NUMBL: variants seen among roughly 807,000 people sequenced by gnomAD.
NUMBL encodes NUMB like endocytic adaptor protein.
NUMBL carries 20 observed loss-of-function variants against 48.9 expected under a neutral mutation model. That is an observed-to-expected ratio of 0.41 (90% CI 0.29 to 0.59). The LOEUF is 0.59. Among genes scored for constraint, NUMBL ranks in the 20% least tolerant of loss-of-function variants. The pLI, the probability that NUMBL is intolerant of heterozygous loss-of-function variation, is 0.31. For missense variants in NUMBL, 660 were observed against 846.2 expected (o/e 0.78, Z 2.73); for synonymous variants, 340 against 348.7 (o/e 0.98, Z 0.28).
chr19:40,673,302 C>A lies in NUMBL; in HGVS notation c.1036+42G>T. The A allele has an allele frequency of 6.4e-7, 1 of 1,554,108 alleles. No individual in the cohort carries two copies. Among genetic ancestry groups the A allele is most frequent in the East Asian group, 2.3e-5 (1 of 43,838 alleles). On this transcript the variant is annotated intron_variant, in intron 8 of 9. Transcript: ENST00000252891. This position sits in a 1 kb window ranked among gnomAD's most constrained non-coding sequence, Gnocchi z 5.9. ...ATCCCTTGCCCACATCAGATAGTGC[C>A]AATTGATTCCAACGCCGTTTCCCAC...
intron 7 of NUMBL, among the ~76,000 whole-genome samples, chr19:40,674,107 G>A (rs1336857726): frequency 1.3e-5 from 2 of 152,140 alleles, no homozygotes; most frequent in Non-Finnish European, 2.9e-5. Context: ...ACCCAGCAAA[G>A]GCCCAGTGTG....
chr19:40,671,373 T>TG (rs1218181843), intron 8 of NUMBL, among the ~76,000 whole-genome samples: 3 of 105,972 alleles, frequency 2.8e-5, no homozygotes, highest in Non-Finnish European at 5.6e-5. Context: ...GTGACATGTG[T>TG]GTGGGGGGGT....
chr19:40,667,636 G>T lies in NUMBL; in HGVS notation c.1662C>A (p.Arg554=). 6.4e-7 allele frequency: 1 copy of T among 1,556,830 alleles called. No homozygotes were observed. Among genetic ancestry groups the T allele is most frequent in the East Asian group, 2.4e-5 (1 of 41,700 alleles). ...GCCAGGGGGCCCCATTGGGGCGAGG[G>T]CGGGCCTGGCTCCCAGGGGCACTGG... The part of the protein sequence containing the change: ...AIPSAPGSQA[R]PRPNGAPWPP... The change falls in exon 10 of 10, where the codon CGC becomes CGA. Residue 554 remains arginine (R), a synonymous_variant. Transcript: ENST00000252891. The surrounding 1 kb of genome is among the most constrained non-coding windows in gnomAD (Gnocchi z 6.1).
In NUMBL at chr19:40,667,398, G is replaced by A. The variant is rs1471284453; in HGVS notation, c.*70C>T. 5 of 1,560,990 alleles carry A rather than the reference G, an allele frequency of 3.2e-6. No individual in the cohort carries two copies. Among genetic ancestry groups the A allele is most frequent in the Non-Finnish European group, 3.5e-6 (4 of 1,154,956 alleles). ...GCGCAGCCCCAGGGAGCAGGGTTAGGGGAGAGGTTGTGCCTCCACCCCCAG... is the reference window on the plus strand; with the variant it reads ...GCGCAGCCCCAGGGAGCAGGGTTAGAGGAGAGGTTGTGCCTCCACCCCCAG... On this transcript the variant is annotated 3_prime_UTR_variant, in exon 10 of 10. Coordinates refer to ENST00000252891, the MANE Select transcript of NUMBL (RefSeq NM_004756.5). This position sits in a 1 kb window ranked among gnomAD's most constrained non-coding sequence, Gnocchi z 6.1.
intron 7 of NUMBL, among the ~76,000 whole-genome samples, chr19:40,676,617 G>A (rs1301880698): frequency 2.7e-5 from 4 of 150,616 alleles, no homozygotes; most frequent in African/African-American, 4.9e-5. Flanking sequence ...GCTTGAACCC[G>A]GGAGGTGGAG....
chr19:40,667,322 A>G lies in NUMBL; in HGVS notation c.*146T>C, dbSNP rs1024564724. On this transcript the variant is annotated 3_prime_UTR_variant, in exon 10 of 10. Transcript: ENST00000252891. This position sits in a 1 kb window ranked among gnomAD's most constrained non-coding sequence, Gnocchi z 6.1. ...CTGGGCGTCACAATGTTGGTTCTGT[A>G]GTGGTTGTCGGGGTGGTTGAGGGAG... 1.2e-5 allele frequency: 14 copies of G among 1,153,584 alleles called. No homozygotes were observed. In the African/African-American group the frequency reaches 2.0e-4, roughly 17 times the overall value. The allele number at this position is 1,153,584 out of a possible 1,614,324, so 71.5% of individuals were successfully genotyped here. A position where few individuals can be genotyped will look rare whatever the true frequency, so the allele number is the denominator to read the frequency against.
chr19:40,678,067 C>T (rs2081887295), intron 6 of NUMBL, among the ~76,000 whole-genome samples: 1 of 152,120 alleles, frequency 6.6e-6, no homozygotes, highest in Admixed American at 6.6e-5. Context: ...AAGCCCTCAT[C>T]CACAATGTGC....
rs1283475124 is a variant in NUMBL at position 40,688,357 on chromosome 19, C to T, written c.25-1362G>A. On this transcript the variant is annotated intron_variant, in intron 1 of 9. Transcript: ENST00000252891. This position sits in a 1 kb window ranked among gnomAD's most constrained non-coding sequence, Gnocchi z 4.6. Reference sequence around the variant, plus strand: ...GCCCCACCTACACACATATCTCACACATAGAGACATAAGCACACAGTTTTA... The same window carrying T: ...GCCCCACCTACACACATATCTCACATATAGAGACATAAGCACACAGTTTTA... Among the ~76,000 whole-genome samples the T allele has an allele frequency of 6.6e-6, 1 of 152,216 alleles. No homozygotes were observed. The highest frequency in any genetic ancestry group is 2.4e-5 in the African/African-American group (1 of 41,442).
rs111619570 is a variant in NUMBL, at chr19:40,673,835, G to A, written c.731-186C>T. 1.6e-3 allele frequency among the ~76,000 whole-genome samples: 250 copies of A among 152,094 alleles called. 1 individual carries two copies. Among genetic ancestry groups the A allele is most frequent in the African/African-American group, 5.7e-3 (235 of 41,484 alleles). On this transcript the variant is annotated intron_variant, in intron 7 of 9. Transcript: ENST00000252891. The surrounding 1 kb of genome is among the most constrained non-coding windows in gnomAD (Gnocchi z 5.9). Reference sequence around the variant, plus strand: ...CCCAAGTCATGATCCCCTTCCCCAGGAGGCTCTTGGAAAACCGTCCCCCAG... The same window carrying A: ...CCCAAGTCATGATCCCCTTCCCCAGAAGGCTCTTGGAAAACCGTCCCCCAG...
chr19:40,668,247 G>T (rs1055747866), intron 9 of NUMBL, 109 bp from the exon 10 acceptor site: 7 of 1,447,726 alleles, frequency 4.8e-6, no homozygotes, highest in Non-Finnish European at 6.4e-6. Context: ...TCTGGAGCCA[G>T]ACCGCCTGCC....
chr19:40,678,222 G>A (rs2081888095), intron 6 of NUMBL, among the ~76,000 whole-genome samples: 1 of 152,066 alleles, frequency 6.6e-6, no homozygotes. Flanking sequence ...GAGTGCAGCG[G>A]CATGACCTCA....
Position 40,690,517 on chromosome 19 carries a change from T to A in NUMBL, c.-34A>T. 1 of 1,222,156 alleles carries A rather than the reference T, an allele frequency of 8.2e-7. No homozygotes were observed. Among genetic ancestry groups the A allele is most frequent in the Admixed American group, 4.2e-5 (1 of 23,540 alleles). 75.7% of individuals were successfully genotyped at this position (1,222,156 alleles called of 1,614,324 possible). A position where few individuals can be genotyped will look rare whatever the true frequency, so the allele number is the denominator to read the frequency against. On this transcript the variant is annotated 5_prime_UTR_variant, in exon 1 of 10. Transcript: ENST00000252891. ...CGGGCGCCCCCGCCTCCCGCGGCCC[T>A]GGCTGGGCCTGGCTCCCCGACTGCT...
intron 8 of NUMBL, among the ~76,000 whole-genome samples, chr19:40,672,876 T>C (rs1414130578): frequency 6.6e-6 from 1 of 152,182 alleles, no homozygotes; most frequent in East Asian, 1.9e-4. Flanking sequence ...CCAGATCTCA[T>C]AGGTGAATGC....
At chr19:40,675,157 A>AC (rs893875759) in intron 7 of NUMBL, among the ~76,000 whole-genome samples, 11 of 148,582 alleles carry the variant, frequency 7.4e-5, no homozygotes, top group African/African-American at 1.7e-4. Context: ...AAAAAAAAAA[A>AC]AAAAAAAAAA....
chr19:40,677,174 T>G, intron 7 of NUMBL, 58 bp downstream of exon 7: 1 of 1,519,092 alleles, frequency 6.6e-7, no homozygotes, highest in Admixed American at 2.0e-5. Flanking sequence ...CCCTGCCCCC[T>G]GATACTGGGT....
chr19:40,682,606 G>A lies in NUMBL; in HGVS notation c.399+122C>T, dbSNP rs1174781096. ...AGTTATGACGACAGAGGGAGCACACGGCATCGTCTAGAAGGTCCCTGAGGG... is the reference window on the plus strand; with the variant it reads ...AGTTATGACGACAGAGGGAGCACACAGCATCGTCTAGAAGGTCCCTGAGGG... On this transcript the variant is annotated intron_variant, in intron 5 of 9. Transcript: ENST00000252891. The surrounding 1 kb of genome is among the most constrained non-coding windows in gnomAD (Gnocchi z 4.0). 7 of 819,040 alleles carry A rather than the reference G, an allele frequency of 8.5e-6. No individual in the cohort carries two copies. Among genetic ancestry groups the A allele is most frequent in the African/African-American group, 1.7e-5 (1 of 58,290 alleles). The allele number at this position is 819,040 out of a possible 1,614,324, so 50.7% of individuals were successfully genotyped here. A position where few individuals can be genotyped will look rare whatever the true frequency, so the allele number is the denominator to read the frequency against.
Position 40,666,682 on chromosome 19 carries a change from G to A in NUMBL, c.*786C>T, listed in dbSNP as rs935410005. Reference sequence around the variant, plus strand: ...CCCTACACACACCCTCGTTTCCCGAGGGGCACCATTATATTCTTCCTTTAT... The same window carrying A: ...CCCTACACACACCCTCGTTTCCCGAAGGGCACCATTATATTCTTCCTTTAT... On this transcript the variant is annotated 3_prime_UTR_variant, in exon 10 of 10. Coordinates refer to ENST00000252891, the MANE Select transcript of NUMBL (RefSeq NM_004756.5). 1.3e-5 allele frequency: 2 copies of A among 152,558 alleles called. No individual in the cohort carries two copies. The highest frequency in any genetic ancestry group is 2.9e-5 in the Non-Finnish European group (2 of 68,048). 9.5% of individuals were successfully genotyped at this position (152,558 alleles called of 1,614,324 possible). A position where few individuals can be genotyped will look rare whatever the true frequency, so the allele number is the denominator to read the frequency against.
chr19:40,689,177 G>C (rs140155086), intron 1 of NUMBL, among the ~76,000 whole-genome samples: 2 of 151,996 alleles, frequency 1.3e-5, no homozygotes, highest in Non-Finnish European at 2.9e-5. Flanking sequence ...TCAGTCACAC[G>C]CATGCCCACC....
intron 7 of NUMBL, among the ~76,000 whole-genome samples, chr19:40,675,509 T>C (rs1191517538): frequency 7.2e-6 from 1 of 138,268 alleles, no homozygotes; most frequent in South Asian, 2.4e-4. Context: ...AATAAATAAA[T>C]AAATTAATTA....
Sources: allele counts gnomAD v4.1 joint callset (sites outside exome capture counted in the v4.1 genomes callset), GRCh38; gene constraint gnomAD v4.1.1; non-coding constraint Gnocchi (gnomAD v3.1); transcripts MANE v1.5; gene names NCBI Gene and HGNC (gene_info 2026-07-23, HGNC 2026-07-21).